PRPF38B: variants seen among roughly 807,000 people sequenced by gnomAD.
The protein encoded by PRPF38B is pre-mRNA processing factor 38B, also known as pre-mRNA-splicing factor 38B.
Under a neutral mutation model 67.2 loss-of-function variants are expected in PRPF38B, and 18 were observed. The ratio of observed to expected loss-of-function variants is 0.27; its 90% CI spans 0.19 to 0.40. The LOEUF is 0.40. PRPF38B is among the 10% of genes least tolerant of loss of function. The probability of loss-of-function intolerance (pLI) is 1.00; values close to 1 mark genes in which losing one functional copy is unlikely to be tolerated. For missense variants in PRPF38B, 544 were observed against 684.9 expected (o/e 0.79, Z 2.30); for synonymous variants, 246 against 234.2 (o/e 1.05, Z -0.46).
rs1015496813 is a variant in PRPF38B at position 108,695,631 on chromosome 1, T to A, written c.277-71T>A. On this transcript the variant is annotated intron_variant, in intron 1 of 5. Transcript: ENST00000370025. ...AGAGCTGCTCTATTATGGACTTGGGTTTACTTTTATCAGGCTTTTAAACAA... is the reference window on the plus strand; with the variant it reads ...AGAGCTGCTCTATTATGGACTTGGGATTACTTTTATCAGGCTTTTAAACAA... 6 of 1,490,850 alleles carry A rather than the reference T, an allele frequency of 4.0e-6. No individual in the cohort carries two copies. In the East Asian group the frequency reaches 1.4e-4, roughly 34 times the overall value. 92.4% of individuals were successfully genotyped at this position (1,490,850 alleles called of 1,614,324 possible). A position where few individuals can be genotyped will look rare whatever the true frequency, so the allele number is the denominator to read the frequency against.
intron 1 of PRPF38B, among the ~76,000 whole-genome samples, chr1:108,693,111 C>T (rs1659493306): frequency 6.6e-6 from 1 of 152,230 alleles, no homozygotes; most frequent in African/African-American, 2.4e-5. Flanking sequence ...CCCCAACCTC[C>T]TGCCCACCCC....
Position 108,699,697 on chromosome 1 carries a change from C to A in PRPF38B, c.1318C>A (p.Arg440=). The A allele has an allele frequency of 1.2e-6, 2 of 1,604,900 alleles. No homozygotes were observed. Among genetic ancestry groups the A allele is most frequent in the South Asian group, 1.1e-5 (1 of 90,038 alleles). ...AGAAAGGAAACACAGAAGTAGGAGT[C>A]GAAGTAGAAATGCAGGGAAACGAAG... ...SRERKHRSRS[R]SRNAGKRSRS... Residue 440 remains arginine, a synonymous_variant, in exon 6 of 6, where the codon CGA becomes AGA. Transcript: ENST00000370025.
intron 4 of PRPF38B, 27 bp from the exon 5 acceptor site, chr1:108,698,577 G>T: frequency 6.7e-7 from 1 of 1,487,464 alleles, no homozygotes; most frequent in Non-Finnish European, 9.3e-7. Context: ...TTTTTTGACG[G>T]CTAGGGTATC....
intron 4 of PRPF38B, chr1:108,696,708 T>C (rs1557765563): frequency 2.8e-6 from 2 of 716,296 alleles, no homozygotes; most frequent in Non-Finnish European, 5.2e-6. Context: ...AGAATACTAA[T>C]TGTAGCTTTT....
At chr1:108,694,112 T>A (rs1392210240) in intron 1 of PRPF38B, among the ~76,000 whole-genome samples, 1 of 152,258 alleles carries the variant, frequency 6.6e-6, no homozygotes, top group Non-Finnish European at 1.5e-5. Context: ...AACTTTGGGT[T>A]GATAAAGTAC....
chr1:108,694,520 A>C (rs1389162533), intron 1 of PRPF38B, among the ~76,000 whole-genome samples: 1 of 152,178 alleles, frequency 6.6e-6, no homozygotes, highest in Non-Finnish European at 1.5e-5. Context: ...CCAACTTTGT[A>C]ATTTTATTTT....
In PRPF38B at chr1:108,700,180, A is replaced by G. The variant is rs778446466; in HGVS notation, c.*160A>G. On this transcript the variant is annotated 3_prime_UTR_variant, in exon 6 of 6. Transcript: ENST00000370025. ...TGTAGGGAAGTGCCTTTGTAATTCC[A>G]TTTATTGCATTGGTGTTTTCACCCA... 7.5e-6 allele frequency: 9 copies of G among 1,199,944 alleles called. No homozygotes were observed. The highest frequency in any genetic ancestry group is 9.9e-6 in the Non-Finnish European group (9 of 905,396). The allele number at this position is 1,199,944 out of a possible 1,614,324, so 74.3% of individuals were successfully genotyped here. A position where few individuals can be genotyped will look rare whatever the true frequency, so the allele number is the denominator to read the frequency against.
Position 108,692,525 on chromosome 1 carries a change from C to T in PRPF38B, c.-67C>T, listed in dbSNP as rs1020911510. 2.0e-6 allele frequency: 3 copies of T among 1,470,236 alleles called. No homozygotes were observed. The highest frequency in any genetic ancestry group is 4.6e-5 in the Admixed American group (2 of 43,890). 91.1% of individuals were successfully genotyped at this position (1,470,236 alleles called of 1,614,324 possible). A position where few individuals can be genotyped will look rare whatever the true frequency, so the allele number is the denominator to read the frequency against. ...GGAGTAGGGTCCCAGACCGTTGTCC[C>T]GAAGAGCGAGATCGAGCTTGGCCCC... On this transcript the variant is annotated 5_prime_UTR_variant, in exon 1 of 6. Transcript: ENST00000370025.
chr1:108,693,249 C>G (rs1027673164), intron 1 of PRPF38B, among the ~76,000 whole-genome samples: 8 of 152,118 alleles, frequency 5.3e-5, no homozygotes, highest in Admixed American at 3.9e-4. Flanking sequence ...GTGCTTCTCC[C>G]GCTCACCCCT....
At position 108,699,871 on chromosome 1, in the gene PRPF38B, A is replaced by G. The variant is rs1426160916; in HGVS notation, c.1492A>G (p.Arg498Gly). ...ACATAGTCCCAGCAAAGAAAAATCT[A>G]GAAAGCGTAGTAGAAGCAAAGAACG... is the stretch of plus-strand genomic sequence containing the variant. ...REHSPSKEKS[R>G]KRSRSKERSH... Residue 498 changes from arginine to glycine, a missense_variant, in exon 6 of 6, where the codon AGA becomes GGA. Coordinates refer to ENST00000370025, the MANE Select transcript of PRPF38B (RefSeq NM_018061.4). 5 of 1,614,034 alleles carry G rather than the reference A, an allele frequency of 3.1e-6. No individual in the cohort carries two copies. The highest frequency in any genetic ancestry group is 4.2e-6 in the Non-Finnish European group (5 of 1,180,042).
chr1:108,700,155 T>C lies in PRPF38B; in HGVS notation c.*135T>C. The C allele has an allele frequency of 1.5e-6, 2 of 1,361,772 alleles. No homozygotes were observed. Among genetic ancestry groups the C allele is most frequent in the Non-Finnish European group, 9.6e-7 (1 of 1,037,792 alleles). 84.4% of individuals were successfully genotyped at this position (1,361,772 alleles called of 1,614,324 possible). A position where few individuals can be genotyped will look rare whatever the true frequency, so the allele number is the denominator to read the frequency against. ...GGCTGCATTTTCATTTCCTCTTTCG[T>C]GTAGGGAAGTGCCTTTGTAATTCCA... On this transcript the variant is annotated 3_prime_UTR_variant, in exon 6 of 6. Coordinates refer to ENST00000370025, the MANE Select transcript of PRPF38B (RefSeq NM_018061.4).
intron 1 of PRPF38B, among the ~76,000 whole-genome samples, chr1:108,694,626 C>A (rs1236265180): frequency 6.6e-6 from 1 of 152,086 alleles, no homozygotes; most frequent in Non-Finnish European, 1.5e-5. Context: ...TAAAGCACTG[C>A]AAAATAGTGT....
chr1:108,698,950 T>C, intron 5 of PRPF38B, 123 bp downstream of exon 5: 4 of 1,300,440 alleles, frequency 3.1e-6, no homozygotes, highest in Non-Finnish European at 4.1e-6. Flanking sequence ...TTGTCACTTT[T>C]ACCCCCCAAA....
In PRPF38B at chr1:108,702,625, C is replaced by T. The variant is rs1241282526; in HGVS notation, c.*2605C>T. Among the ~76,000 whole-genome samples, 4 of 151,732 alleles carry T rather than the reference C, an allele frequency of 2.6e-5. No homozygotes were observed. Among genetic ancestry groups the T allele is most frequent in the Non-Finnish European group, 5.9e-5 (4 of 67,966 alleles). ...ACATTTGGACACGAACATCACACGC[C>T]GGGGCCTGTTGTGGGGTGGGGGACT... On this transcript the variant is annotated 3_prime_UTR_variant, in exon 6 of 6. Transcript: ENST00000370025.
chr1:108,694,774 CAA>C (rs1168654769), intron 1 of PRPF38B, among the ~76,000 whole-genome samples: 1 of 151,202 alleles, frequency 6.6e-6, no homozygotes, highest in Non-Finnish European at 1.5e-5. Context: ...TAAAAAAAAA[CAA>C]AGATGGGTCT....
At position 108,701,441 on chromosome 1, in the gene PRPF38B, CAA is replaced by C. The variant is rs1199585082; in HGVS notation, c.*1423_*1424del. ...GTCATTTGATTACTTTGTTCCATGT[CAA>C]AGACGTTTATTGGGATACCTTTTAC... On this transcript the variant is annotated 3_prime_UTR_variant, in exon 6 of 6. Coordinates refer to ENST00000370025, the MANE Select transcript of PRPF38B (RefSeq NM_018061.4). The C allele has an allele frequency of 2.6e-5, 4 of 152,312 alleles. No individual in the cohort carries two copies. In the East Asian group the frequency reaches 7.7e-4, roughly 29 times the overall value. 9.4% of individuals were successfully genotyped at this position (152,312 alleles called of 1,614,324 possible).
intron 4 of PRPF38B, chr1:108,697,447 G>A (rs1659983881): frequency 6.6e-6 from 1 of 151,192 alleles, no homozygotes; most frequent in African/African-American, 2.4e-5. Context: ...TTAAAGGATG[G>A]TTCTAATGGA....
chr1:108,700,128 T>C lies in PRPF38B; in HGVS notation c.*108T>C, dbSNP rs1352798502. On this transcript the variant is annotated 3_prime_UTR_variant, in exon 6 of 6. Coordinates refer to ENST00000370025, the MANE Select transcript of PRPF38B (RefSeq NM_018061.4). ...GTTCGCACTCCTCAAGCTCTCCCTG[T>C]AGGCTGCATTTTCATTTCCTCTTTC... 8 of 1,438,132 alleles carry C rather than the reference T, an allele frequency of 5.6e-6. No homozygotes were observed. Among genetic ancestry groups the C allele is most frequent in the Non-Finnish European group, 7.3e-6 (8 of 1,095,118 alleles). The allele number at this position is 1,438,132 out of a possible 1,614,324, so 89.1% of individuals were successfully genotyped here. A position where few individuals can be genotyped will look rare whatever the true frequency, so the allele number is the denominator to read the frequency against.
At chr1:108,697,311 A>G (rs1659969987) in intron 4 of PRPF38B, 1 of 152,614 alleles carries the variant, frequency 6.6e-6, no homozygotes. Context: ...GTCAAAAATG[A>G]AATGATGAGC....
Sources: allele counts gnomAD v4.1 joint callset (sites outside exome capture counted in the v4.1 genomes callset), GRCh38; gene constraint gnomAD v4.1.1; transcripts MANE v1.5; gene names NCBI Gene and HGNC (gene_info 2026-07-23, HGNC 2026-07-21).